The following ADTRP variants were observed in gnomAD, a reference collection of about 807,000 sequenced individuals.
ADTRP encodes the protein androgen-dependent TFPI-regulating protein.
A neutral mutation model predicts 27.0 loss-of-function variants in ADTRP; 20 were observed. That is an observed-to-expected ratio of 0.74 (90% CI 0.52 to 1.08). The LOEUF (loss-of-function observed/expected upper bound fraction) is 1.08, where lower values mean the gene tolerates loss of function less well. Among genes scored for constraint, ADTRP ranks in the 50% least tolerant of loss-of-function variants. ADTRP has a pLI of 0.00. For missense variants in ADTRP, 251 were observed against 275.0 expected (o/e 0.91, Z 0.62); for synonymous variants, 101 against 105.2 (o/e 0.96, Z 0.25).
intron 5 of ADTRP, among the ~76,000 whole-genome samples, chr6:11,720,164 G>C (rs1350496984): frequency 1.3e-5 from 2 of 152,174 alleles, no homozygotes; most frequent in African/African-American, 2.4e-5. Flanking sequence ...GTCATCAAAG[G>C]GGGCTCAGGC....
At chr6:11,753,621 T>C (rs1352076683) in intron 3 of ADTRP, among the ~76,000 whole-genome samples, 5 of 152,200 alleles carry the variant, frequency 3.3e-5, no homozygotes, top group African/African-American at 4.8e-5. Context: ...TTAATTAAAA[T>C]GTTCCCATAT....
chr6:11,769,969 C>T (rs144530104), intron 1 of ADTRP: 50 of 1,510,756 alleles, frequency 3.3e-5, no homozygotes, highest in African/African-American at 1.2e-4. Context: ...AACAACCTTA[C>T]GAGCCAAGTC....
chr6:11,732,352 T>A (rs999816095), intron 4 of ADTRP, among the ~76,000 whole-genome samples: 1 of 152,222 alleles, frequency 6.6e-6, no homozygotes, highest in Non-Finnish European at 1.5e-5. Context: ...ATTCGTGTTA[T>A]GCCATTTCCC....
Position 11,720,092 on chromosome 6 carries a change from G to A in ADTRP, c.658+3257C>T, listed in dbSNP as rs73721801. Among the ~76,000 whole-genome samples, 139 of 152,304 alleles carry A rather than the reference G, an allele frequency of 9.1e-4. 1 individual carries two copies. Among genetic ancestry groups the A allele is most frequent in the African/African-American group, 3.2e-3 (133 of 41,584 alleles). On this transcript the variant is annotated intron_variant, in intron 5 of 5. Transcript: ENST00000414691. ...TAGAGACTGAGGCAGTTTGGCACCA[G>A]AACTTTTCTTCTAACCACAGCCCCC...
At chr6:11,731,428 A>G (rs946351838) in intron 4 of ADTRP, among the ~76,000 whole-genome samples, 4 of 152,208 alleles carry the variant, frequency 2.6e-5, no homozygotes, top group Non-Finnish European at 5.9e-5. Context: ...CAAACAAACA[A>G]CAGCAACAAC....
chr6:11,768,343 TC>T lies in ADTRP; in HGVS notation c.193del (p.Asp65MetfsTer3). On this transcript the variant is annotated frameshift_variant, in exon 2 of 6. Transcript: ENST00000414691. LOFTEE classifies it high-confidence loss of function. ...TCCCCCTTTGGTTCTTTTCAGCACA[TC>T]ATCCAGGCAGGTGACCCCGTAGAAA... Reference protein sequence around the residue: ...TIFYGVTCLDDVLKRTKGGKD... With the variant: ...TIFYGVTCLDXVLKRTKGGKD... The T allele has an allele frequency of 6.2e-7, 1 of 1,614,234 alleles. No individual in the cohort carries two copies. Among genetic ancestry groups the T allele is most frequent in the South Asian group, 1.1e-5 (1 of 91,084 alleles).
intron 3 of ADTRP, among the ~76,000 whole-genome samples, chr6:11,743,955 G>A (rs1762791771): frequency 6.6e-6 from 1 of 152,120 alleles, no homozygotes; most frequent in Non-Finnish European, 1.5e-5. Flanking sequence ...ATTGGTGTTG[G>A]GAGTCAATAC....
chr6:11,755,833 G>A (rs1763199061), intron 3 of ADTRP, among the ~76,000 whole-genome samples: 1 of 152,202 alleles, frequency 6.6e-6, no homozygotes, highest in Non-Finnish European at 1.5e-5. Context: ...TCTGGGTGTG[G>A]TGAATGATTC....
chr6:11,755,783 C>T (rs1763197806), intron 3 of ADTRP, among the ~76,000 whole-genome samples: 1 of 152,190 alleles, frequency 6.6e-6, no homozygotes, highest in Non-Finnish European at 1.5e-5. Flanking sequence ...CCATCAACAA[C>T]ACTGTAATGC....
intron 3 of ADTRP, among the ~76,000 whole-genome samples, chr6:11,751,777 G>C (rs993640500): frequency 1.3e-4 from 20 of 152,138 alleles, no homozygotes; most frequent in Admixed American, 1.1e-3. Context: ...TAGTGTGTCC[G>C]AAAATGTCTT....
At chr6:11,741,322 A>C (rs1340275628) in intron 3 of ADTRP, among the ~76,000 whole-genome samples, 1 of 152,238 alleles carries the variant, frequency 6.6e-6, no homozygotes, top group Non-Finnish European at 1.5e-5. Context: ...TAACAGTGGA[A>C]TCTACGTGGT....
In ADTRP at chr6:11,723,313, G is replaced by A. The variant is rs771267702; in HGVS notation, c.658+36C>T. 1.5e-5 allele frequency: 24 copies of A among 1,608,312 alleles called. No individual in the cohort carries two copies. The South Asian group carries it at 2.3e-4, about 16-fold the overall frequency. On this transcript the variant is annotated intron_variant, in intron 5 of 5. Transcript: ENST00000414691. ...GTGAAGGGGAGAGGCAGACACGGAA[G>A]AAGCGCATCTGTAGCTAAGAAAGAA...
At chr6:11,730,269 CTT>C (rs2113889766) in intron 4 of ADTRP, among the ~76,000 whole-genome samples, 1 of 152,224 alleles carries the variant, frequency 6.6e-6, no homozygotes, top group African/African-American at 2.4e-5. Context: ...GTAAGGATTT[CTT>C]CTGTGGAAAA....
chr6:11,777,097 G>A (rs1763980070), intron 1 of ADTRP, among the ~76,000 whole-genome samples: 1 of 152,172 alleles, frequency 6.6e-6, no homozygotes, highest in Admixed American at 6.5e-5. Context: ...AAACTAATAG[G>A]ATTTGGTAGC....
intron 5 of ADTRP, among the ~76,000 whole-genome samples, chr6:11,718,930 G>A (rs1455644460): frequency 6.6e-6 from 1 of 152,190 alleles, no homozygotes; most frequent in South Asian, 2.1e-4. Flanking sequence ...GAGTGCCCTG[G>A]GAGGACCTCA....
chr6:11,769,149 T>C (rs1763675705), intron 1 of ADTRP, among the ~76,000 whole-genome samples: 1 of 152,324 alleles, frequency 6.6e-6, no homozygotes, highest in South Asian at 2.1e-4. Flanking sequence ...AGTTCTGTGG[T>C]TTCTCATTTA....
At chr6:11,740,001 T>G (rs6457810) in intron 3 of ADTRP, among the ~76,000 whole-genome samples, 125,215 of 152,182 alleles carry the variant, frequency 0.82, 51,708 homozygotes, top group East Asian at 1. Context: ...AATCTCTGCT[T>G]CTTTCCTCTA....
chr6:11,759,213 A>G (rs1424890707), intron 3 of ADTRP, among the ~76,000 whole-genome samples: 2 of 151,880 alleles, frequency 1.3e-5, no homozygotes, highest in Non-Finnish European at 2.9e-5. Context: ...TTGAGGGAAC[A>G]GGGGCAGAGA....
chr6:11,735,454 A>T, intron 4 of ADTRP, 114 bp downstream of exon 4: 1 of 734,910 alleles, frequency 1.4e-6, no homozygotes, highest in Non-Finnish European at 2.2e-6. Flanking sequence ...AAACATGATT[A>T]AATCCTTATT....
Sources: gnomAD v4.1 joint callset for allele counts (sites outside exome capture counted in the v4.1 genomes callset) on GRCh38, gnomAD v4.1.1 for gene constraint, MANE v1.5 for transcripts, NCBI Gene and HGNC (gene_info 2026-07-23, HGNC 2026-07-21) for gene names.